PRRC2A: variants seen among roughly 807,000 people sequenced by gnomAD.
PRRC2A encodes proline rich coiled-coil 2A, also known as protein PRRC2A.
Under a neutral mutation model 224.6 loss-of-function variants are expected in PRRC2A, and 59 were observed. That is an observed-to-expected ratio of 0.26 (90% CI 0.21 to 0.33). The LOEUF (loss-of-function observed/expected upper bound fraction) is 0.33. Ranked by LOEUF, PRRC2A falls within the 10% of genes least tolerant of loss-of-function variation. The pLI, the probability that PRRC2A is intolerant of heterozygous loss-of-function variation, is 1.00. For synonymous variants in PRRC2A, 1,194 were observed against 1,109.5 expected, an observed-to-expected ratio of 1.08 and a Z score of -1.51; for missense variants, 3,095 against 2,880.7, an observed-to-expected ratio of 1.07 and a Z score of -1.70.
rs1401145857 is a variant in PRRC2A, at chr6:31,637,103, G to A, written c.6209G>A (p.Gly2070Glu). The A allele has an allele frequency of 1.2e-6, 2 of 1,610,972 alleles. No individual in the cohort carries two copies. Among genetic ancestry groups the A allele is most frequent in the African/African-American group, 1.3e-5 (1 of 74,872 alleles). ...DYQKLSSNLG[G>E]PGSSRTPPTG... ...CAAAAACTGAGCAGCAACCTTGGGGGACCTGGATCATCACGGACTCCCCCA... is the reference window on the plus strand; with the variant it reads ...CAAAAACTGAGCAGCAACCTTGGGGAACCTGGATCATCACGGACTCCCCCA... The change falls in exon 29 of 31, where the codon GGA becomes GAA. Residue 2070 changes from glycine to glutamate, a missense_variant. Gly to Glu is a moderately conservative substitution (Grantham distance 98). This residue lies in a region of PRRC2A where 662 missense variants were observed against 609.5 expected (regional missense o/e 1.09). Coordinates refer to ENST00000376033, the MANE Select transcript of PRRC2A (RefSeq NM_004638.4).
At position 31,621,267 on chromosome 6, in the gene PRRC2A, C is replaced by T. The variant is rs189746585; in HGVS notation, c.-101+409C>T. On this transcript the variant is annotated intron_variant, in intron 1 of 30. Coordinates refer to ENST00000376033, the MANE Select transcript of PRRC2A (RefSeq NM_004638.4). ...AGGGCGCTTTTCCTCCATATTGGAC[C>T]CCCTCCTATCATCCAGCGCTGTGTT... 1.2e-4 allele frequency among the ~76,000 whole-genome samples: 18 copies of T among 152,046 alleles called. 1 individual carries two copies. The East Asian group carries it at 3.1e-3, about 26-fold the overall frequency.
At chr6:31,629,917 C>G (rs1323697378) in intron 14 of PRRC2A, 72 bp downstream of exon 14, 14 of 1,584,506 alleles carry the variant, frequency 8.8e-6, no homozygotes, top group Non-Finnish European at 8.6e-7. Flanking sequence ...TAGGGTCTTA[C>G]TGTGACTCTG....
At position 31,631,421 on chromosome 6, in the gene PRRC2A, A is replaced by ACGCAGAGAGAGT. The variant is rs749709299; in HGVS notation, c.2753_2764dup (p.Arg918_Arg921dup). ...GTGGAGGCCAGGGCCCCCCACCACC[A>ACGCAGAGAGAGT]CGCAGAGAGAGTCGCACAGAGACCC... On this transcript the variant is annotated inframe_insertion, in exon 16 of 31. Transcript: ENST00000376033. The surrounding 1 kb of genome is among the most constrained non-coding windows in gnomAD (Gnocchi z 4.5). 8.1e-6 allele frequency: 13 copies of ACGCAGAGAGAGT among 1,610,298 alleles called. No individual in the cohort carries two copies. Among genetic ancestry groups the ACGCAGAGAGAGT allele is most frequent in the Non-Finnish European group, 1.0e-5 (12 of 1,178,942 alleles).
In PRRC2A at chr6:31,636,005, C is replaced by T. The variant is rs1259163076; in HGVS notation, c.5580C>T (p.Asn1860=). 2 of 1,613,688 alleles carry T rather than the reference C, an allele frequency of 1.2e-6. No individual in the cohort carries two copies. Among genetic ancestry groups the T allele is most frequent in the South Asian group, 1.1e-5 (1 of 91,068 alleles). ...GGAMDSQLHP[N]SGGFRPGTPS... ...CCATGGACTCTCAATTACATCCAAACAGTGGAGGCTTCCGCCCTGGGACAC... is the reference window on the plus strand; with the variant it reads ...CCATGGACTCTCAATTACATCCAAATAGTGGAGGCTTCCGCCCTGGGACAC... The change falls in exon 25 of 31, where the codon AAC becomes AAT. Residue 1860 remains asparagine (N), a synonymous_variant. Transcript: ENST00000376033. The surrounding 1 kb of genome is among the most constrained non-coding windows in gnomAD (Gnocchi z 4.3).
Position 31,627,147 on chromosome 6 carries a change from C to G in PRRC2A, c.1239C>G (p.Pro413=), listed in dbSNP as rs1182234321. The change falls in exon 11 of 31, where the codon CCC becomes CCG. Residue 413 remains proline (P), a synonymous_variant. Transcript: ENST00000376033. This position sits in a 1 kb window ranked among gnomAD's most constrained non-coding sequence, Gnocchi z 5.6. ...CTCCTGCCCCAAAGCCTCCCCTACC[C>G]CCACCTCACCGGGGCCCCGCCGGGA... The part of the protein sequence containing the change: ...PGPPAPKPPL[P]PPHRGPAGNW... The G allele has an allele frequency of 2.5e-6, 4 of 1,613,424 alleles. No individual in the cohort carries two copies. The highest frequency in any genetic ancestry group is 2.2e-5 in the East Asian group (1 of 44,890).
At position 31,632,166 on chromosome 6, in the gene PRRC2A, G is replaced by C. The variant is rs1398825314; in HGVS notation, c.3493G>C (p.Gly1165Arg). The C allele has an allele frequency of 1.3e-6, 2 of 1,587,394 alleles. No individual in the cohort carries two copies. Among genetic ancestry groups the C allele is most frequent in the Admixed American group, 1.8e-5 (1 of 56,182 alleles). ...ARGGRVFTPR[G>R]VPSRRGRGGG... ...GGGTGGGCGAGTCTTCACTCCCAGA[G>C]GGGTGCCATCTCGCCGGGGCCGAGG... The change falls in exon 16 of 31, where the codon GGG (glycine) becomes CGG (arginine). Residue 1165 changes from glycine (G) to arginine (R), a missense_variant. By Grantham distance (125) the Gly-to-Arg change is moderately radical. This residue lies in a region of PRRC2A where 2,001 missense variants were observed against 1,764.9 expected (regional missense o/e 1.13). Transcript: ENST00000376033.
intron 14 of PRRC2A, 40 bp downstream of exon 14, chr6:31,629,885 C>G: frequency 6.2e-7 from 1 of 1,608,430 alleles, no homozygotes; most frequent in Non-Finnish European, 8.5e-7. Flanking sequence ...GGAAAGTCCC[C>G]TCAGTCTTAG....
intron 14 of PRRC2A, 93 bp from the exon 15 acceptor site, chr6:31,630,498 A>G: frequency 1.6e-6 from 2 of 1,282,176 alleles, no homozygotes; most frequent in Non-Finnish European, 2.2e-6. Flanking sequence ...CAAGAGATGG[A>G]AGAGCTGACT....
chr6:31,630,529 T>G, intron 14 of PRRC2A, 62 bp from the exon 15 acceptor site: 2 of 1,573,388 alleles, frequency 1.3e-6, no homozygotes, highest in Non-Finnish European at 1.7e-6. Context: ...GGGAGATGCT[T>G]TTTGGGCTGG....
rs1292963512 is a variant in PRRC2A, at chr6:31,633,659, G to C, written c.4588+12G>C. The C allele has an allele frequency of 6.3e-7, 1 of 1,597,524 alleles. No homozygotes were observed. The highest frequency in any genetic ancestry group is 1.3e-5 in the African/African-American group (1 of 74,412). On this transcript the variant is annotated intron_variant, in intron 17 of 30. Transcript: ENST00000376033. Reference sequence around the variant, plus strand: ...CGGCCTCAGTTCTGGTAAGCTGGAGGGGTTATGGGTGGGAATATCTCCATC... The same window carrying C: ...CGGCCTCAGTTCTGGTAAGCTGGAGCGGTTATGGGTGGGAATATCTCCATC...
Position 31,624,435 on chromosome 6 carries a change from T to C in PRRC2A, c.391-15T>C, listed in dbSNP as rs1231130622. ...CCACCCACATCATTTATCATCTTTCTGAACACTTCCCCAGAACACTCCTTT... is the reference window on the plus strand; with the variant it reads ...CCACCCACATCATTTATCATCTTTCCGAACACTTCCCCAGAACACTCCTTT... On this transcript the variant is annotated splice_polypyrimidine_tract_variant and intron_variant, in intron 4 of 30. Transcript: ENST00000376033. 4 of 1,612,586 alleles carry C rather than the reference T, an allele frequency of 2.5e-6. No individual in the cohort carries two copies. Among genetic ancestry groups the C allele is most frequent in the Non-Finnish European group, 3.4e-6 (4 of 1,178,570 alleles).
In PRRC2A at chr6:31,630,759, C is replaced by T; in HGVS notation, c.2423C>T (p.Ser808Leu). The change falls in exon 15 of 31, where the codon TCA (serine) becomes TTA (leucine). Residue 808 changes from serine to leucine, a missense_variant. Physicochemically the swap from Ser to Leu is moderately radical, Grantham distance 145. Transcript: ENST00000376033. ...CCCGCTGAACCCCGCCCACTTACCT[C>T]ACCTCTGCGCCAGGCTGCGGATGAG... ...ATPAEPRPLT[S>L]PLRQAADEDD... 1 of 1,614,198 alleles carries T rather than the reference C, an allele frequency of 6.2e-7. No homozygotes were observed.
At chr6:31,624,938 C>T (rs28366151) in intron 5 of PRRC2A, 59,679 of 569,506 alleles carry the variant, frequency 0.1, 4,192 homozygotes, top group African/African-American at 0.25. Flanking sequence ...AGCGGGACTA[C>T]AGGCACACGC....
At chr6:31,621,739 A>G (rs1277111256) in intron 1 of PRRC2A, among the ~76,000 whole-genome samples, 1 of 151,928 alleles carries the variant, frequency 6.6e-6, no homozygotes, top group Non-Finnish European at 1.5e-5. Context: ...TTTCTTCCCC[A>G]CTATTTCTCA....
chr6:31,634,925 G>T lies in PRRC2A; in HGVS notation c.5108G>T (p.Gly1703Val). 3.1e-6 allele frequency: 5 copies of T among 1,612,918 alleles called. No homozygotes were observed. Among genetic ancestry groups the T allele is most frequent in the Non-Finnish European group, 4.2e-6 (5 of 1,179,994 alleles). The change falls in exon 21 of 31, where the codon GGC (glycine) becomes GTC (valine). Residue 1703 changes from glycine (G) to valine (V), a missense_variant. Physicochemically the swap from Gly to Val is moderately radical, Grantham distance 109 (BLOSUM62 -3). Around this residue, in one of 8 missense-constraint regions of PRRC2A, gnomAD observed 662 missense variants for 609.5 expected, o/e 1.09. Transcript: ENST00000376033. ...LNAVPCEGPP[G>V]SEPPRRPPPA... ...GCTGTTCCTTGTGAGGGTCCACCTG[G>T]CTCTGAACCTCCTAGGAGACCACCA...
intron 17 of PRRC2A, 90 bp downstream of exon 17, chr6:31,633,737 CCCT>C (rs1776965426): frequency 6.5e-7 from 1 of 1,529,774 alleles, no homozygotes; most frequent in South Asian, 1.3e-5. Flanking sequence ...GGCCTAGGGA[CCCT>C]GCTGCTGGGT....
In PRRC2A at chr6:31,637,101, G is replaced by T; in HGVS notation, c.6207G>T (p.Gly2069=). 6.2e-7 allele frequency: 1 copy of T among 1,611,166 alleles called. No individual in the cohort carries two copies. Among genetic ancestry groups the T allele is most frequent in the Non-Finnish European group, 8.5e-7 (1 of 1,178,990 alleles). The change falls in exon 29 of 31, where the codon GGG becomes GGT. Residue 2069 remains glycine (G), a synonymous_variant. Transcript: ENST00000376033. ...QDYQKLSSNL[G]GPGSSRTPPT... ...ATCAAAAACTGAGCAGCAACCTTGG[G>T]GGACCTGGATCATCACGGACTCCCC...
In PRRC2A at chr6:31,631,430, G is replaced by A. The variant is rs1312914070; in HGVS notation, c.2757G>A (p.Glu919=). The A allele has an allele frequency of 6.2e-7, 1 of 1,610,054 alleles. No individual in the cohort carries two copies. The highest frequency in any genetic ancestry group is 1.1e-5 in the South Asian group (1 of 90,768). Residue 919 remains glutamate, a synonymous_variant, in exon 16 of 31, where the codon GAG becomes GAA. Transcript: ENST00000376033. This position sits in a 1 kb window ranked among gnomAD's most constrained non-coding sequence, Gnocchi z 4.5. ...GGQGPPPPRR[E]SRTETRWGPR... ...AGGGCCCCCCACCACCACGCAGAGA[G>A]AGTCGCACAGAGACCCGCTGGGGCC...
rs1472989800 is a variant in PRRC2A at position 31,637,064 on chromosome 6, C to T, written c.6170C>T (p.Pro2057Leu). The change falls in exon 29 of 31, where the codon CCG becomes CTG. Residue 2057 changes from proline (P) to leucine (L), a missense_variant. Transcript: ENST00000376033. ...RAELHPVELK[P>L]FQDYQKLSSN... ...CAGCTGCATCCAGTGGAACTAAAGC[C>T]GTTCCAGGATTATCAAAAACTGAGC... The T allele has an allele frequency of 1.6e-5, 26 of 1,607,618 alleles. No individual in the cohort carries two copies. Among genetic ancestry groups the T allele is most frequent in the African/African-American group, 6.7e-5 (5 of 74,652 alleles).
Sources: allele counts gnomAD v4.1 joint callset (sites outside exome capture counted in the v4.1 genomes callset), GRCh38; gene constraint gnomAD v4.1.1; regional missense constraint gnomAD v4.1.1; non-coding constraint Gnocchi (gnomAD v3.1); transcripts MANE v1.5; gene names NCBI Gene and HGNC (gene_info 2026-07-23, HGNC 2026-07-21).